MOK: variants seen among roughly 807,000 people sequenced by gnomAD.
The protein encoded by MOK is MOK protein kinase, also known as MAPK/MAK/MRK overlapping kinase.
In MOK, 59 loss-of-function variants were observed where a neutral mutation model predicts 54.2. That is an observed-to-expected ratio of 1.09 (90% confidence interval 0.88 to 1.35). The LOEUF (loss-of-function observed/expected upper bound fraction) is 1.35. Among genes scored for constraint, MOK ranks in the 40% most tolerant of loss-of-function variants. The probability of loss-of-function intolerance (pLI) is 0.00; values close to 1 mark genes in which losing one functional copy is unlikely to be tolerated. For missense variants in MOK, 517 were observed against 526.2 expected (o/e 0.98, Z 0.17); for synonymous variants, 210 against 202.7 (o/e 1.04, Z -0.31).
At chr14:102,267,111 C>G (rs1320679112) in intron 2 of MOK, among the ~76,000 whole-genome samples, 1 of 152,192 alleles carries the variant, frequency 6.6e-6, no homozygotes. Context: ...ATTCAATTCA[C>G]CAGAAATTTT....
intron 4 of MOK, among the ~76,000 whole-genome samples, chr14:102,252,712 T>C (rs969109167): frequency 1.3e-5 from 2 of 152,208 alleles, no homozygotes; most frequent in South Asian, 4.1e-4. Context: ...AATCTTTGAA[T>C]TGACCATATT....
chr14:102,290,273 C>T (rs1281931167), intron 1 of MOK, among the ~76,000 whole-genome samples: 2 of 151,926 alleles, frequency 1.3e-5, no homozygotes, highest in African/African-American at 4.8e-5. Context: ...AACCCCATCT[C>T]TACTAAAAAT....
At chr14:102,220,378 G>T (rs1442182451), downstream of MOK, among the ~76,000 whole-genome samples, 1 of 152,242 alleles carries the variant, frequency 6.6e-6, no homozygotes, top group South Asian at 2.1e-4. The surrounding 1 kb of genome is among the most constrained non-coding windows in gnomAD (Gnocchi z 4.2). Flanking sequence ...TACCAAAAAA[G>T]TCATTAGTAA....
In MOK at chr14:102,262,790, T is replaced by A. The variant is rs148041437; in HGVS notation, c.283+756A>T. Among the ~76,000 whole-genome samples, 61 of 152,352 alleles carry A rather than the reference T, an allele frequency of 4.0e-4. No homozygotes were observed. The East Asian group carries it at 6.6e-3, about 16-fold the overall frequency. On this transcript the variant is annotated intron_variant, in intron 4 of 11. Coordinates refer to ENST00000361847, the MANE Select transcript of MOK (RefSeq NM_014226.3). ...AAATTCTTTTCCAAGTCATAAGTAG[T>A]CACTCATGTGACAGTAGGACAGTTG...
At chr14:102,279,634 T>G (rs2069210230) in intron 2 of MOK, among the ~76,000 whole-genome samples, 1 of 152,054 alleles carries the variant, frequency 6.6e-6, no homozygotes, top group African/African-American at 2.4e-5. Flanking sequence ...TGTGTACTTT[T>G]GGCAAGTATT....
intron 4 of MOK, among the ~76,000 whole-genome samples, chr14:102,252,403 C>T (rs1372093821): frequency 2.6e-5 from 4 of 151,112 alleles, no homozygotes; most frequent in South Asian, 2.1e-4. Context: ...TGCAGCAAGC[C>T]GAGATGGCAC....
intron 1 of MOK, among the ~76,000 whole-genome samples, chr14:102,288,769 G>T (rs907981206): frequency 1.3e-5 from 2 of 152,156 alleles, no homozygotes; most frequent in African/African-American, 4.8e-5. Flanking sequence ...TTACCCTTGT[G>T]GGGTGAAGTG....
At chr14:102,263,118 G>A (rs1432199957) in intron 4 of MOK, among the ~76,000 whole-genome samples, 1 of 152,260 alleles carries the variant, frequency 6.6e-6, no homozygotes, top group Admixed American at 6.5e-5. Flanking sequence ...AATGGTAGGA[G>A]CTTCCCTCAC....
chr14:102,303,172 A>C (rs2072433680), intron 1 of MOK, among the ~76,000 whole-genome samples: 1 of 151,524 alleles, frequency 6.6e-6, no homozygotes, highest in Non-Finnish European at 1.5e-5. Context: ...AAAAAAAAAG[A>C]GTCTAAGAGA....
chr14:102,298,730 A>G (rs1444785125), intron 1 of MOK, among the ~76,000 whole-genome samples: 1 of 152,138 alleles, frequency 6.6e-6, no homozygotes, highest in Admixed American at 6.5e-5. Flanking sequence ...GTCCCCTTCC[A>G]CAATGTGGAA....
At position 102,298,929 on chromosome 14, in the gene MOK, C is replaced by T. The variant is rs144292513; in HGVS notation, c.7+6033G>A. The stretch of plus-strand genomic sequence containing the variant: ...GCCTTCAGAGCGATAACACTCACCG[C>T]GAAGGTCTGCAGCTTCACTCCTGAA... On this transcript the variant is annotated intron_variant, in intron 1 of 11. Coordinates refer to ENST00000361847, the MANE Select transcript of MOK (RefSeq NM_014226.3). 9.3e-3 allele frequency among the ~76,000 whole-genome samples: 1,417 copies of T among 152,234 alleles called. 12 individuals are homozygous for T. Among genetic ancestry groups the T allele is most frequent in the Non-Finnish European group, 0.015 (1,005 of 68,006 alleles).
At position 102,246,584 on chromosome 14, in the gene MOK, T is replaced by C. The variant is rs1358785749; in HGVS notation, c.590+4228A>G. The stretch of plus-strand genomic sequence containing the variant: ...TCTCCACAACATACAATGCAACCCC[T>C]GCTCAGCCTATAACTGGACTTCCAC... On this transcript the variant is annotated intron_variant, in intron 7 of 11. Transcript: ENST00000361847. 2.0e-5 allele frequency among the ~76,000 whole-genome samples: 3 copies of C among 152,242 alleles called. No homozygotes were observed. The East Asian group carries it at 5.8e-4, about 29-fold the overall frequency.
downstream of MOK, among the ~76,000 whole-genome samples, chr14:102,220,869 A>G: frequency 6.6e-6 from 1 of 152,048 alleles, no homozygotes; most frequent in African/African-American, 2.4e-5. The surrounding 1 kb of genome is among the most constrained non-coding windows in gnomAD (Gnocchi z 4.2). Flanking sequence ...CCTGGGCTCA[A>G]GCCATCCTCC....
At chr14:102,285,355 G>T (rs949894787) in intron 1 of MOK, among the ~76,000 whole-genome samples, 3 of 152,174 alleles carry the variant, frequency 2.0e-5, no homozygotes, top group Non-Finnish European at 2.9e-5. Context: ...TGGCTAGCAT[G>T]AGCCACTGCA....
rs533972461 is a variant in MOK at position 102,280,977 on chromosome 14, A to C, written c.122+2501T>G. Among the ~76,000 whole-genome samples, 4 of 152,192 alleles carry C rather than the reference A, an allele frequency of 2.6e-5. No homozygotes were observed. In the South Asian group the frequency reaches 8.3e-4, roughly 32 times the overall value. On this transcript the variant is annotated intron_variant, in intron 2 of 11. Transcript: ENST00000361847. ...AGGCCAAGGCAAGTGGATCGCTTTG[A>C]GCTCAGGAGTTCGAGACCAGCCGCA...
intron 1 of MOK, among the ~76,000 whole-genome samples, chr14:102,291,826 C>T (rs761718550): frequency 6.6e-6 from 1 of 152,004 alleles, no homozygotes; most frequent in Non-Finnish European, 1.5e-5. Context: ...GGCATGGTGG[C>T]CTGTGCCTGT....
intron 4 of MOK, among the ~76,000 whole-genome samples, chr14:102,256,647 C>T (rs58292583): frequency 0.054 from 8,233 of 151,884 alleles, 281 homozygotes; most frequent in African/African-American, 0.099. Flanking sequence ...ATAATCCTCC[C>T]GCCTTGGCCT....
intron 2 of MOK, among the ~76,000 whole-genome samples, chr14:102,278,165 T>C (rs7143986): frequency 0.31 from 46,411 of 151,948 alleles, 9,202 homozygotes; most frequent in African/African-American, 0.58. Context: ...CTTAATCTTG[T>C]ACTTATCACC....
downstream of MOK, among the ~76,000 whole-genome samples, chr14:102,221,307 CCTGGTT>C (rs2063865889): frequency 2.0e-5 from 3 of 152,186 alleles, no homozygotes; most frequent in Admixed American, 6.5e-5. This position sits in a 1 kb window ranked among gnomAD's most constrained non-coding sequence, Gnocchi z 4.8. Flanking sequence ...GGAGGTGCCT[CCTGGTT>C]CTGGAGATTT....
Sources: allele counts gnomAD v4.1 joint callset (sites outside exome capture counted in the v4.1 genomes callset), GRCh38; gene constraint gnomAD v4.1.1; non-coding constraint Gnocchi (gnomAD v3.1); transcripts MANE v1.5; gene names NCBI Gene and HGNC (gene_info 2026-07-23, HGNC 2026-07-21).